PSD3: variants seen among roughly 807,000 people sequenced by gnomAD.
PSD3 encodes the protein PH and SEC7 domain-containing protein 3.
PSD3 carries 49 observed loss-of-function variants against 105.5 expected under a neutral mutation model. That is an observed-to-expected ratio of 0.46 (90% CI 0.37 to 0.59). The LOEUF is 0.59. Among genes scored for constraint, PSD3 ranks in the 20% least tolerant of loss-of-function variants. The pLI, the probability that PSD3 is intolerant of heterozygous loss-of-function variation, is 0.00. For synonymous variants in PSD3, 557 were observed against 457.8 expected, an observed-to-expected ratio of 1.22 and a Z score of -2.77; for missense variants, 1,561 against 1,263.8, an observed-to-expected ratio of 1.24 and a Z score of -3.57.
At chr8:18,916,925 T>C (rs979056386) in intron 2 of PSD3, among the ~76,000 whole-genome samples, 1 of 152,134 alleles carries the variant, frequency 6.6e-6, no homozygotes, top group Non-Finnish European at 1.5e-5. Flanking sequence ...CTTTAACATT[T>C]CTTTTTAAAT....
intron 1 of PSD3, among the ~76,000 whole-genome samples, chr8:19,062,214 ATTAGAGGGATG>A (rs912215170): frequency 6.6e-6 from 1 of 152,242 alleles, no homozygotes; most frequent in African/African-American, 2.4e-5. Context: ...AGGACATAGA[ATTAGAGGGATG>A]TTTGAATAGC....
At chr8:18,817,939 A>T (rs1030051830) in intron 4 of PSD3, among the ~76,000 whole-genome samples, 1 of 152,120 alleles carries the variant, frequency 6.6e-6, no homozygotes, top group African/African-American at 2.4e-5. Context: ...GATTATATGC[A>T]TTACGTTTTT....
intron 1 of PSD3, among the ~76,000 whole-genome samples, chr8:19,005,851 C>T (rs1041600459): frequency 2.6e-5 from 4 of 151,806 alleles, no homozygotes; most frequent in African/African-American, 9.7e-5. Context: ...TGCACAACTC[C>T]ATGAACATAC....
chr8:18,577,717 A>T (rs1802549409), intron 12 of PSD3, among the ~76,000 whole-genome samples: 1 of 152,104 alleles, frequency 6.6e-6, no homozygotes, highest in Admixed American at 6.5e-5. Flanking sequence ...ACAAGATAAG[A>T]CTTTGAAAAA....
chr8:19,006,218 G>A (rs868808040), intron 1 of PSD3, among the ~76,000 whole-genome samples: 5 of 150,784 alleles, frequency 3.3e-5, no homozygotes, highest in African/African-American at 4.9e-5. Flanking sequence ...ACTTGAACCC[G>A]GGAGGCGGGG....
chr8:18,791,499 A>T (rs1230032954), intron 8 of PSD3, among the ~76,000 whole-genome samples: 1 of 151,864 alleles, frequency 6.6e-6, no homozygotes, highest in African/African-American at 2.4e-5. Flanking sequence ...TATTTAATAC[A>T]TGGTGCTAGA....
At chr8:18,553,196 G>T (rs374404421) in intron 15 of PSD3, among the ~76,000 whole-genome samples, 7 of 152,154 alleles carry the variant, frequency 4.6e-5, no homozygotes, top group East Asian at 3.9e-4. Flanking sequence ...TGTGAAAATG[G>T]TAAGAATTGC....
chr8:18,783,267 A>T (rs1808811390), intron 8 of PSD3, among the ~76,000 whole-genome samples: 1 of 152,154 alleles, frequency 6.6e-6, no homozygotes, highest in African/African-American at 2.4e-5. Context: ...AGCTGTTGAC[A>T]ATATTCACTT....
intron 10 of PSD3, among the ~76,000 whole-genome samples, chr8:18,646,952 G>C (rs994881026): frequency 3.3e-5 from 5 of 152,060 alleles, no homozygotes; most frequent in Non-Finnish European, 7.4e-5. Flanking sequence ...TAGGCCATTG[G>C]GTTGAATGAA....
intron 9 of PSD3, among the ~76,000 whole-genome samples, chr8:18,743,724 G>A (rs1804756586): frequency 6.6e-6 from 1 of 151,450 alleles, no homozygotes; most frequent in South Asian, 2.1e-4. Flanking sequence ...ATTACTTGAG[G>A]CCAGGAATTT....
At chr8:18,700,200 C>A (rs558001418) in intron 9 of PSD3, among the ~76,000 whole-genome samples, 16 of 152,222 alleles carry the variant, frequency 1.1e-4, no homozygotes, top group African/African-American at 2.2e-4. Flanking sequence ...AAACCAAACC[C>A]AGACAATAAT....
At chr8:18,763,656 G>C (rs1221617267) in intron 9 of PSD3, among the ~76,000 whole-genome samples, 1 of 152,106 alleles carries the variant, frequency 6.6e-6, no homozygotes, top group Admixed American at 6.6e-5. Flanking sequence ...AGAAAGGGAG[G>C]AAAGGGAAGG....
intron 1 of PSD3, among the ~76,000 whole-genome samples, chr8:18,996,977 G>T (rs757687550): frequency 2.0e-5 from 3 of 151,780 alleles, no homozygotes; most frequent in Admixed American, 6.6e-5. Context: ...CACATGGCTG[G>T]CAAGACCTCG....
intron 1 of PSD3, among the ~76,000 whole-genome samples, chr8:18,988,194 T>C (rs973457511): frequency 2.0e-4 from 16 of 81,446 alleles, no homozygotes; most frequent in Admixed American, 1.2e-3. Flanking sequence ...GCTGCTTGAA[T>C]TGAATTCTGA....
intron 4 of PSD3, among the ~76,000 whole-genome samples, chr8:18,831,591 G>A (rs576073597): frequency 7.2e-5 from 11 of 152,182 alleles, no homozygotes; most frequent in South Asian, 4.2e-4. Flanking sequence ...GAGTGGTGGC[G>A]GGCGCCTATA....
intron 14 of PSD3, among the ~76,000 whole-genome samples, chr8:18,565,264 G>T (rs1801664024): frequency 6.6e-6 from 1 of 152,178 alleles, no homozygotes; most frequent in African/African-American, 2.4e-5. Flanking sequence ...GTTGTGAGCA[G>T]ACTGTGAACA....
chr8:18,822,244 T>C (rs1812803753), intron 4 of PSD3, among the ~76,000 whole-genome samples: 1 of 152,204 alleles, frequency 6.6e-6, no homozygotes, highest in African/African-American at 2.4e-5. Context: ...GGGAAGGTCT[T>C]GTACATGATA....
chr8:18,592,116 A>C (rs564121298), intron 12 of PSD3, among the ~76,000 whole-genome samples: 7 of 152,308 alleles, frequency 4.6e-5, no homozygotes, highest in African/African-American at 1.4e-4. Flanking sequence ...TTACCTGCAT[A>C]AACACTGTAA....
chr8:18,687,818 G>A (rs1800745909), intron 9 of PSD3, among the ~76,000 whole-genome samples: 1 of 152,136 alleles, frequency 6.6e-6, no homozygotes, highest in Non-Finnish European at 1.5e-5. Context: ...CCAGGCTGGA[G>A]TACAGTGGCA....
Sources: gnomAD v4.1 joint callset for allele counts (sites outside exome capture counted in the v4.1 genomes callset) on GRCh38, gnomAD v4.1.1 for gene constraint, MANE v1.5 for transcripts, NCBI Gene and HGNC (gene_info 2026-07-23, HGNC 2026-07-21) for gene names.